Variants in ZNF451 observed in about 807,000 individuals in gnomAD.
ZNF451 encodes the protein E3 SUMO-protein ligase ZNF451.
A neutral mutation model predicts 107.1 loss-of-function variants in ZNF451; 80 were observed. The observed-to-expected ratio is 0.75, with a 90% confidence interval of 0.62 to 0.90. The LOEUF is 0.90. ZNF451 is among the 40% of genes least tolerant of loss of function. The pLI is 0.00. For missense variants in ZNF451, 1,107 were observed against 1,236.2 expected (o/e 0.90, Z 1.57); for synonymous variants, 362 against 406.5 (o/e 0.89, Z 1.32).
chr6:57,141,133 G>A (rs866407166), intron 7 of ZNF451, among the ~76,000 whole-genome samples, 169 bp from the exon 8 acceptor site: 31 of 152,056 alleles, frequency 2.0e-4, no homozygotes, highest in African/African-American at 7.2e-4. Flanking sequence ...TTGGGACCTC[G>A]GTTATGATAA....
At chr6:57,103,079 T>TA (rs767262645) in intron 3 of ZNF451, 1 of 985,412 alleles carries the variant, frequency 1.0e-6, no homozygotes. Flanking sequence ...ACAAAAAAGA[T>TA]ACGCACATCA....
At chr6:57,167,176 T>TAC (rs1274595260) in intron 14 of ZNF451, among the ~76,000 whole-genome samples, 2 of 149,970 alleles carry the variant, frequency 1.3e-5, no homozygotes, top group East Asian at 2.0e-4. Flanking sequence ...TGATTTCGTA[T>TAC]ATATATACAC....
At chr6:57,105,178 CTCTAACG>C in intron 3 of ZNF451, 1 of 985,340 alleles carries the variant, frequency 1.0e-6, no homozygotes, top group Non-Finnish European at 1.2e-6. Context: ...CTAGGCCAAC[CTCTAACG>C]TTTAAATACC....
chr6:57,108,253 G>A, intron 3 of ZNF451: 3 of 985,380 alleles, frequency 3.0e-6, no homozygotes, highest in Non-Finnish European at 3.6e-6. Flanking sequence ...TGCTCCATGA[G>A]CTATCATAGT....
intron 13 of ZNF451, among the ~76,000 whole-genome samples, chr6:57,156,486 A>G (rs932109128): frequency 6.6e-6 from 1 of 152,216 alleles, no homozygotes; most frequent in South Asian, 2.1e-4. Context: ...CTCCTTGCAC[A>G]TAGCTAAACA....
rs1471854127 is a variant in ZNF451 at position 57,106,658 on chromosome 6, C to T, written c.186+7517C>T. On this transcript the variant is annotated intron_variant, in intron 3 of 14. Transcript: ENST00000370706. ...TGTGAGGCATATTTTGCCACAGTCT[C>T]GCACTGTTTAGGTTCTCTTGTCTTT... The T allele has an allele frequency of 1.1e-5, 11 of 982,432 alleles. No individual in the cohort carries two copies. In the South Asian group the frequency reaches 2.8e-4, roughly 25 times the overall value. 60.9% of individuals were successfully genotyped at this position (982,432 alleles called of 1,614,324 possible). A position where few individuals can be genotyped will look rare whatever the true frequency, so the allele number is the denominator to read the frequency against.
chr6:57,109,810 A>T (rs1830030781), intron 3 of ZNF451: 1 of 707,764 alleles, frequency 1.4e-6, no homozygotes, highest in African/African-American at 1.9e-5. Context: ...GTATGTGTAT[A>T]CAATTTTTGA....
At position 57,154,027 on chromosome 6, in the gene ZNF451, G is replaced by T; in HGVS notation, c.3050G>T (p.Ser1017Ile). The T allele has an allele frequency of 5.0e-6, 8 of 1,614,116 alleles. No individual in the cohort carries two copies. Among genetic ancestry groups the T allele is most frequent in the Non-Finnish European group, 6.8e-6 (8 of 1,180,012 alleles). Residue 1017 changes from serine (S) to isoleucine (I), a missense_variant, in exon 13 of 15, where the codon AGC becomes ATC. Around this residue, in one of 5 missense-constraint regions of ZNF451, gnomAD observed 151 missense variants for 173.3 expected, o/e 0.87. Coordinates refer to ENST00000370706, the MANE Select transcript of ZNF451 (RefSeq NM_001031623.3). The stretch of plus-strand genomic sequence containing the variant: ...GATATGATGTGTGCCTTGTTAAATA[G>T]CATATCTGATACCACCAAAGGTACG... Reference protein sequence around the residue: ...EGDMMCALLNSISDTTKECDS... With the variant: ...EGDMMCALLNIISDTTKECDS...
At chr6:57,119,855 C>CT (rs370426779) in intron 3 of ZNF451, among the ~76,000 whole-genome samples, 159 of 143,056 alleles carry the variant, frequency 1.1e-3, no homozygotes, top group Admixed American at 1.4e-3. Context: ...ATTGTCATTA[C>CT]TTTTTTTTTT....
intron 3 of ZNF451, among the ~76,000 whole-genome samples, chr6:57,120,416 A>G (rs891978786): frequency 5.9e-5 from 9 of 152,182 alleles, no homozygotes; most frequent in Non-Finnish European, 1.2e-4. Flanking sequence ...TAAGTTTTCA[A>G]TTCATTTGAG....
chr6:57,093,277 A>G (rs1293098622), intron 2 of ZNF451, among the ~76,000 whole-genome samples: 1 of 152,212 alleles, frequency 6.6e-6, no homozygotes, highest in Non-Finnish European at 1.5e-5. Context: ...GGTTTCAGCC[A>G]AGATTATTGA....
chr6:57,133,602 T>A (rs1333807879), intron 6 of ZNF451, among the ~76,000 whole-genome samples: 1 of 152,228 alleles, frequency 6.6e-6, no homozygotes, highest in African/African-American at 2.4e-5. Flanking sequence ...AGCAAACTGA[T>A]GTAAGCAAAA....
intron 8 of ZNF451, 56 bp from the exon 9 acceptor site, chr6:57,141,892 T>C: frequency 6.7e-7 from 1 of 1,493,646 alleles, no homozygotes; most frequent in Non-Finnish European, 9.2e-7. Context: ...GGGAGGAAGG[T>C]TGGGTTACTC....
chr6:57,112,467 A>G (rs1562598228), intron 3 of ZNF451, among the ~76,000 whole-genome samples: 1 of 152,222 alleles, frequency 6.6e-6, no homozygotes, highest in Non-Finnish European at 1.5e-5. Flanking sequence ...ACTCCTCTGG[A>G]TCATCAGTGC....
At chr6:57,124,214 C>T (rs1030150226) in intron 3 of ZNF451, among the ~76,000 whole-genome samples, 13 of 152,070 alleles carry the variant, frequency 8.5e-5, no homozygotes, top group African/African-American at 2.9e-4. Context: ...TGAGTGGGTG[C>T]TGGATTTTGT....
chr6:57,120,228 C>T (rs1263402661), intron 3 of ZNF451, among the ~76,000 whole-genome samples: 1 of 152,116 alleles, frequency 6.6e-6, no homozygotes, highest in Non-Finnish European at 1.5e-5. Flanking sequence ...TTTAAGGTTC[C>T]TCCATGTCTT....
intron 3 of ZNF451, chr6:57,105,378 T>C (rs941431257): frequency 1.0e-6 from 1 of 984,638 alleles, no homozygotes; most frequent in Non-Finnish European, 1.2e-6. Context: ...TCCATTTTTA[T>C]ATGAAGTGCC....
rs1338848146 is a variant in ZNF451, at chr6:57,153,716, G to A, written c.2884-145G>A. The A allele has an allele frequency of 5.2e-6, 4 of 768,122 alleles. No individual in the cohort carries two copies. The Admixed American group carries it at 7.9e-5, about 15-fold the overall frequency. 47.6% of individuals were successfully genotyped at this position (768,122 alleles called of 1,614,324 possible). ...GCGTGAGCCACTGCACCCAGCTGAA[G>A]GAGATCTTTATGTCATACTTTGGTA... On this transcript the variant is annotated intron_variant, in intron 12 of 14. Coordinates refer to ENST00000370706, the MANE Select transcript of ZNF451 (RefSeq NM_001031623.3).
intron 3 of ZNF451, chr6:57,106,164 T>A (rs1829843898): frequency 1.5e-5 from 15 of 985,286 alleles, no homozygotes; most frequent in Non-Finnish European, 1.8e-5. Flanking sequence ...AATCCCTTTG[T>A]CTGGTAAAAT....
Sources: gnomAD v4.1 joint callset for allele counts (sites outside exome capture counted in the v4.1 genomes callset) on GRCh38, gnomAD v4.1.1 for gene constraint, gnomAD v4.1.1 regional missense constraint, MANE v1.5 for transcripts, NCBI Gene and HGNC (gene_info 2026-07-23, HGNC 2026-07-21) for gene names.